The following FOXP1 variants were observed in gnomAD, a reference collection of about 807,000 sequenced individuals.
FOXP1 encodes forkhead box protein P1.
In FOXP1, 15 loss-of-function variants were observed where a neutral mutation model predicts 98.2. The observed-to-expected ratio is 0.15, with a 90% CI of 0.10 to 0.24. FOXP1 has a LOEUF of 0.24. FOXP1 is among the 10% of genes least tolerant of loss of function. The pLI is 1.00. For synonymous variants in FOXP1, 371 were observed against 314.5 expected (o/e 1.18, Z -1.90); for missense variants, 633 against 848.5 (o/e 0.75, Z 3.15).
chr3:71,062,576 A>G (rs936328369), intron 7 of FOXP1, among the ~76,000 whole-genome samples: 2 of 152,278 alleles, frequency 1.3e-5, no homozygotes, highest in East Asian at 3.9e-4. Context: ...ATGCCATCAC[A>G]TTTTCATGTA....
At chr3:71,501,934 G>C (rs2041403051) in intron 2 of FOXP1, among the ~76,000 whole-genome samples, 1 of 152,164 alleles carries the variant, frequency 6.6e-6, no homozygotes, top group African/African-American at 2.4e-5. Flanking sequence ...AGTGAGATCA[G>C]CAAGGCAGGG....
At position 70,955,193 on chromosome 3, in the gene FOXP1, A is replaced by G. The variant is rs1027116032; in HGVS notation, c.*4054T>C. 1 of 232,526 alleles carries G rather than the reference A, an allele frequency of 4.3e-6. No individual in the cohort carries two copies. Among genetic ancestry groups the G allele is most frequent in the Non-Finnish European group, 8.5e-6 (1 of 117,622 alleles). The allele number at this position is 232,526 out of a possible 1,614,324, so 14.4% of individuals were successfully genotyped here. On this transcript the variant is annotated 3_prime_UTR_variant, in exon 21 of 21. Transcript: ENST00000649528. ...ACGGAGTTCAGCTGGAATATGGAAA[A>G]GAGAGGAAATATTTTTTAACTCTAT...
At chr3:71,446,950 G>A (rs1008010533) in intron 3 of FOXP1, among the ~76,000 whole-genome samples, 13 of 152,260 alleles carry the variant, frequency 8.5e-5, no homozygotes, top group African/African-American at 3.1e-4. Context: ...TGCTTCAATG[G>A]ATTCAATGGA....
intron 5 of FOXP1, among the ~76,000 whole-genome samples, chr3:71,266,505 G>C (rs11708388): frequency 0.12 from 17,972 of 152,174 alleles, 1,480 homozygotes; most frequent in East Asian, 0.46. Flanking sequence ...GCCCACCTCA[G>C]CTTCCCAAAG....
chr3:71,510,566 A>T (rs2042133269), intron 2 of FOXP1, among the ~76,000 whole-genome samples: 1 of 152,186 alleles, frequency 6.6e-6, no homozygotes. Flanking sequence ...ACACAGGTGC[A>T]GCACAATGGA....
intron 1 of FOXP1, 142 bp downstream of exon 1, chr3:71,583,429 T>A (rs560287529): frequency 1.0e-6 from 1 of 969,122 alleles, no homozygotes; most frequent in African/African-American, 1.8e-5. Flanking sequence ...AGTAGTTGTT[T>A]TTTTTTTTCC....
At chr3:71,154,075 ATTCTTC>A (rs1553761195) in intron 6 of FOXP1, among the ~76,000 whole-genome samples, 27 of 144,408 alleles carry the variant, frequency 1.9e-4, no homozygotes, top group Non-Finnish European at 7.7e-5. Context: ...TCCCCTTTGC[ATTCTTC>A]TTCTTCTTCT....
intron 5 of FOXP1, among the ~76,000 whole-genome samples, chr3:71,207,241 A>G (rs1299793673): frequency 8.9e-6 from 1 of 111,798 alleles, no homozygotes; most frequent in Non-Finnish European, 1.8e-5. Flanking sequence ...ACCAGTTCAG[A>G]AAAGTCTTTT....
At chr3:71,442,400 T>G (rs542235447) in intron 3 of FOXP1, among the ~76,000 whole-genome samples, 1 of 151,568 alleles carries the variant, frequency 6.6e-6, no homozygotes, top group African/African-American at 2.4e-5. Context: ...AAAACCACAT[T>G]CAGAGATCAA....
chr3:70,971,071 A>G (rs575305728), intron 18 of FOXP1: 2 of 441,692 alleles, frequency 4.5e-6, no homozygotes, highest in African/African-American at 4.0e-5. Flanking sequence ...CCCTCCAGAG[A>G]CCTCTCTGCA....
intron 6 of FOXP1, among the ~76,000 whole-genome samples, chr3:71,164,295 G>A (rs2061296565): frequency 6.6e-6 from 1 of 152,092 alleles, no homozygotes; most frequent in South Asian, 2.1e-4. Context: ...CGCCTCCCGG[G>A]TTCATGCCAT....
At chr3:71,305,085 A>G (rs1187634586) in intron 4 of FOXP1, among the ~76,000 whole-genome samples, 1 of 152,158 alleles carries the variant, frequency 6.6e-6, no homozygotes, top group Middle Eastern at 3.2e-3. Context: ...AGAATGATCT[A>G]AGTGTACACT....
At chr3:71,256,365 T>C (rs758493306) in intron 5 of FOXP1, among the ~76,000 whole-genome samples, 4 of 151,886 alleles carry the variant, frequency 2.6e-5, no homozygotes, top group Non-Finnish European at 5.9e-5. Flanking sequence ...CCAGAATCCA[T>C]TCTCACTTCA....
At chr3:71,113,358 A>AAAG (rs2058093257) in intron 6 of FOXP1, among the ~76,000 whole-genome samples, 2 of 152,198 alleles carry the variant, frequency 1.3e-5, no homozygotes, top group African/African-American at 4.8e-5. Context: ...TTGGGGAGGT[A>AAAG]GTATGAATTG....
At chr3:71,327,893 A>G (rs554739889) in intron 4 of FOXP1, among the ~76,000 whole-genome samples, 1 of 152,316 alleles carries the variant, frequency 6.6e-6, no homozygotes, top group South Asian at 2.1e-4. Context: ...TAATTTTATT[A>G]CCCAGAAGTG....
At position 71,406,383 on chromosome 3, in the gene FOXP1, T is replaced by C. The variant is rs535845378; in HGVS notation, c.-167-47139A>G. 5.7e-5 allele frequency among the ~76,000 whole-genome samples: 5 copies of C among 87,862 alleles called. No individual in the cohort carries two copies. The South Asian group carries it at 1.6e-3, about 28-fold the overall frequency. 57.6% of individuals were successfully genotyped at this position (87,862 alleles called of 152,430 possible). A position where few individuals can be genotyped will look rare whatever the true frequency, so the allele number is the denominator to read the frequency against. The stretch of plus-strand genomic sequence containing the variant: ...CGTTATTTTTTTCTTTTGTTTTTAA[T>C]TGACACATAATAACTGTATGTGTAT... On this transcript the variant is annotated intron_variant, in intron 3 of 20. Transcript: ENST00000649528.
intron 5 of FOXP1, among the ~76,000 whole-genome samples, chr3:71,209,539 A>G (rs1330926642): frequency 6.6e-6 from 1 of 152,250 alleles, no homozygotes; most frequent in Non-Finnish European, 1.5e-5. Context: ...AATATCAAAA[A>G]ATAAAATAAT....
At chr3:71,415,359 T>C (rs985814241) in intron 3 of FOXP1, among the ~76,000 whole-genome samples, 13 of 152,220 alleles carry the variant, frequency 8.5e-5, no homozygotes, top group African/African-American at 3.1e-4. Flanking sequence ...ATTATAATTT[T>C]CACTCCTGTT....
chr3:71,413,281 CACACACACA>C (rs1365876468), intron 3 of FOXP1, among the ~76,000 whole-genome samples: 3 of 135,674 alleles, frequency 2.2e-5, no homozygotes, highest in African/African-American at 8.4e-5. Flanking sequence ...CACACACACA[CACACACACA>C]CCCAAAACAG....
Sources: gnomAD v4.1 joint callset for allele counts (sites outside exome capture counted in the v4.1 genomes callset) on GRCh38, gnomAD v4.1.1 for gene constraint, MANE v1.5 for transcripts, NCBI Gene and HGNC (gene_info 2026-07-23, HGNC 2026-07-21) for gene names.